RALGPS1: variants seen among roughly 807,000 people sequenced by gnomAD.
RALGPS1 encodes the protein ras-specific guanine nucleotide-releasing factor RalGPS1.
RALGPS1 carries 19 observed loss-of-function variants against 78.8 expected under a neutral mutation model. The ratio of observed to expected loss-of-function variants is 0.24; its 90% CI spans 0.17 to 0.35. RALGPS1 has a LOEUF of 0.35. Ranked by LOEUF, RALGPS1 falls within the 10% of genes least tolerant of loss-of-function variation. The probability of loss-of-function intolerance (pLI) is 1.00; values close to 1 mark genes in which losing one functional copy is unlikely to be tolerated. For missense variants in RALGPS1, 454 were observed against 688.3 expected, an observed-to-expected ratio of 0.66 and a Z score of 3.81; for synonymous variants, 228 against 256.3, an observed-to-expected ratio of 0.89 and a Z score of 1.06.
chr9:127,108,630 C>T (rs747467297), intron 8 of RALGPS1: 13 of 1,613,700 alleles, frequency 8.1e-6, no homozygotes, highest in South Asian at 3.3e-5. Flanking sequence ...ACTCTCTTGG[C>T]GAGCCCTCCT....
At chr9:127,161,261 T>C (rs1170229948) in intron 8 of RALGPS1, among the ~76,000 whole-genome samples, 1 of 152,234 alleles carries the variant, frequency 6.6e-6, no homozygotes, top group Non-Finnish European at 1.5e-5. Flanking sequence ...ATTCCTCCCA[T>C]GCTGCTGCTT....
intron 8 of RALGPS1, among the ~76,000 whole-genome samples, chr9:127,156,896 T>G (rs2058733462): frequency 6.6e-6 from 1 of 152,154 alleles, no homozygotes; most frequent in South Asian, 2.1e-4. Context: ...TAATTTATTC[T>G]GTTTTAGGAA....
chr9:127,000,569 ATGGAGTTTCACTCT>A (rs2043202767), intron 4 of RALGPS1, among the ~76,000 whole-genome samples: 1 of 55,858 alleles, frequency 1.8e-5, no homozygotes, highest in Non-Finnish European at 3.0e-5. Flanking sequence ...TTTTTTTGAG[ATGGAGTTTCACTCT>A]TGTTGCCGAG....
chr9:127,212,138 G>C lies in RALGPS1; in HGVS notation c.1255G>C (p.Gly419Arg). The C allele has an allele frequency of 1.2e-6, 2 of 1,612,352 alleles. No homozygotes were observed. Among genetic ancestry groups the C allele is most frequent in the Non-Finnish European group, 1.7e-6 (2 of 1,179,314 alleles). Reference protein sequence around the residue: ...EMSSGLESPTGPCICSLGNSA... With the variant: ...EMSSGLESPTRPCICSLGNSA... ...CTGGTAGTCTCTCCTCAGCCCCACC[G>C]GCCCGTGCATCTGTTCTCTGGGGAA... Residue 419 changes from glycine to arginine, a missense_variant, in exon 15 of 19, where the codon GGC (glycine) becomes CGC (arginine). Coordinates refer to ENST00000259351, the MANE Select transcript of RALGPS1 (RefSeq NM_014636.3). This position sits in a 1 kb window ranked among gnomAD's most constrained non-coding sequence, Gnocchi z 6.0.
At chr9:127,101,506 T>C (rs2053724672) in intron 8 of RALGPS1, among the ~76,000 whole-genome samples, 1 of 152,110 alleles carries the variant, frequency 6.6e-6, no homozygotes, top group Non-Finnish European at 1.5e-5. Flanking sequence ...CCTCCATCCT[T>C]CACCCTCCAT....
chr9:126,976,313 T>TCTCA (rs112367251), intron 3 of RALGPS1, among the ~76,000 whole-genome samples: 2,530 of 150,386 alleles, frequency 0.017, 27 homozygotes, highest in Non-Finnish European at 0.023. Flanking sequence ...ACACTCATTC[T>TCTCA]CACACACACA....
At chr9:126,916,502 C>G (rs140090440) in intron 1 of RALGPS1, among the ~76,000 whole-genome samples, 20 of 152,248 alleles carry the variant, frequency 1.3e-4, no homozygotes, top group Middle Eastern at 3.4e-3. Flanking sequence ...CCAAGAGGGT[C>G]GGGCGCGGTG....
intron 8 of RALGPS1, among the ~76,000 whole-genome samples, chr9:127,082,441 C>T (rs940195508): frequency 6.6e-6 from 1 of 152,050 alleles, no homozygotes. Flanking sequence ...TATCAAGCTG[C>T]TGCTGCTGCA....
At chr9:127,093,076 C>T (rs1026464558) in intron 8 of RALGPS1, among the ~76,000 whole-genome samples, 18 of 152,208 alleles carry the variant, frequency 1.2e-4, no homozygotes, top group African/African-American at 4.3e-4. Context: ...AAATAATGCA[C>T]GAAAGCCCTT....
intron 11 of RALGPS1, among the ~76,000 whole-genome samples, chr9:127,188,056 C>CTTTTT (rs35971647): frequency 4.9e-5 from 4 of 81,670 alleles, no homozygotes; most frequent in African/African-American, 9.7e-5. Flanking sequence ...GAATTAGAGC[C>CTTTTT]TTTTTTTTTT....
In RALGPS1 at chr9:126,977,764, T is replaced by C; in HGVS notation, c.216+19T>C. 6.4e-7 allele frequency: 1 copy of C among 1,566,780 alleles called. No individual in the cohort carries two copies. The highest frequency in any genetic ancestry group is 8.7e-7 in the Non-Finnish European group (1 of 1,146,560). On this transcript the variant is annotated intron_variant, in intron 4 of 18. Coordinates refer to ENST00000259351, the MANE Select transcript of RALGPS1 (RefSeq NM_014636.3). The stretch of plus-strand genomic sequence containing the variant: ...GCCGGAGGTCTGTACTTTGTCTTTC[T>C]ACTCTTCTATTCATGCTGTGGGTGG...
intron 4 of RALGPS1, among the ~76,000 whole-genome samples, chr9:127,000,409 T>A (rs570240447): frequency 6.6e-6 from 1 of 152,226 alleles, no homozygotes; most frequent in East Asian, 1.9e-4. Flanking sequence ...TCCATTAAAT[T>A]CAAATGCTTT....
intron 4 of RALGPS1, among the ~76,000 whole-genome samples, chr9:126,980,148 C>T (rs1007272917): frequency 6.6e-6 from 1 of 152,148 alleles, no homozygotes; most frequent in Non-Finnish European, 1.5e-5. Context: ...AGCTTTTTTG[C>T]TGATGTTATT....
At chr9:127,196,075 A>C (rs2061334710) in intron 12 of RALGPS1, among the ~76,000 whole-genome samples, 1 of 152,248 alleles carries the variant, frequency 6.6e-6, no homozygotes, top group Admixed American at 6.5e-5. Context: ...AACAAGGTGA[A>C]GTTCGTTGCA....
At chr9:127,073,672 A>G (rs1309636777) in intron 8 of RALGPS1, among the ~76,000 whole-genome samples, 4 of 152,144 alleles carry the variant, frequency 2.6e-5, no homozygotes, top group Admixed American at 1.3e-4. Flanking sequence ...AGCAATCGCT[A>G]TACTGTTTTC....
intron 5 of RALGPS1, among the ~76,000 whole-genome samples, chr9:127,048,307 T>C (rs777163190): frequency 6.6e-5 from 10 of 152,202 alleles, no homozygotes; most frequent in Non-Finnish European, 1.2e-4. Flanking sequence ...AGTCTTCTCT[T>C]GTTTAAAGTC....
At chr9:126,969,410 A>G (rs976236968) in intron 3 of RALGPS1, among the ~76,000 whole-genome samples, 2 of 152,178 alleles carry the variant, frequency 1.3e-5, no homozygotes, top group South Asian at 2.1e-4. Flanking sequence ...CCTGGCTCCA[A>G]TGTGTATTTT....
chr9:127,191,993 G>A (rs923539983), intron 11 of RALGPS1, among the ~76,000 whole-genome samples: 7 of 152,186 alleles, frequency 4.6e-5, no homozygotes, highest in Non-Finnish European at 7.3e-5. Flanking sequence ...CACGGCGCCC[G>A]GCCTCCACTG....
At chr9:127,088,699 G>T (rs922846437) in intron 8 of RALGPS1, 3 of 569,834 alleles carry the variant, frequency 5.3e-6, no homozygotes, top group African/African-American at 3.7e-5. Context: ...GTTGTCTGTA[G>T]TCCTGTCCTG....
Sources: gnomAD v4.1 joint callset for allele counts (sites outside exome capture counted in the v4.1 genomes callset) on GRCh38, gnomAD v4.1.1 for gene constraint, Gnocchi (gnomAD v3.1) non-coding constraint, MANE v1.5 for transcripts, NCBI Gene and HGNC (gene_info 2026-07-23, HGNC 2026-07-21) for gene names.